LARP4B: variants seen among roughly 807,000 people sequenced by gnomAD.
LARP4B encodes the protein la-related protein 4B.
LARP4B carries 12 observed loss-of-function variants against 89.8 expected under a neutral mutation model. The observed-to-expected ratio is 0.13, with a 90% confidence interval of 0.09 to 0.22. The LOEUF is 0.22. Among genes scored for constraint, LARP4B ranks in the 10% least tolerant of loss-of-function variants. LARP4B has a pLI of 1.00. For missense variants in LARP4B, 757 were observed against 947.7 expected, an observed-to-expected ratio of 0.80 and a Z score of 2.64; for synonymous variants, 367 against 363.3, an observed-to-expected ratio of 1.01 and a Z score of -0.12.
chr10:861,501 CT>C (rs35481916), intron 5 of LARP4B, among the ~76,000 whole-genome samples: 24,358 of 152,078 alleles, frequency 0.16, 2,124 homozygotes, highest in Non-Finnish European at 0.19. Flanking sequence ...TCTTTTTCTT[CT>C]TTTTGAAAAT....
chr10:935,629 A>C (rs1830739733), upstream of LARP4B, among the ~76,000 whole-genome samples: 1 of 152,144 alleles, frequency 6.6e-6, no homozygotes, highest in Admixed American at 6.5e-5. Flanking sequence ...AGTCTCTACC[A>C]AACAAATACA....
At position 814,468 on chromosome 10, in the gene LARP4B, A is replaced by G; in HGVS notation, c.1929+274T>C. 1.9e-6 allele frequency: 1 copy of G among 522,456 alleles called. No homozygotes were observed. Among genetic ancestry groups the G allele is most frequent in the South Asian group, 2.0e-5 (1 of 49,544 alleles). 32.4% of individuals were successfully genotyped at this position (522,456 alleles called of 1,614,324 possible). ...ATCCTAAAGTCTATGGAGAAACAGG[A>G]GCTGGGGTCTTGTTACTACTCAAGA... On this transcript the variant is annotated intron_variant, in intron 17 of 17. Transcript: ENST00000316157. The surrounding 1 kb of genome is among the most constrained non-coding windows in gnomAD (Gnocchi z 4.4).
At chr10:827,001 G>A (rs1245007810) in intron 11 of LARP4B, among the ~76,000 whole-genome samples, 3 of 152,202 alleles carry the variant, frequency 2.0e-5, no homozygotes, top group East Asian at 1.9e-4. Flanking sequence ...ATGGCCGGGC[G>A]CAGTGGCTCA....
intron 5 of LARP4B, among the ~76,000 whole-genome samples, chr10:859,999 G>C (rs1303656210): frequency 6.6e-6 from 1 of 151,812 alleles, no homozygotes; most frequent in Non-Finnish European, 1.5e-5. Context: ...ACAACACCAA[G>C]AGTGAGCCCT....
In LARP4B at chr10:814,713, G is replaced by C. The variant is rs1423637748; in HGVS notation, c.1929+29C>G. The C allele has an allele frequency of 6.4e-7, 1 of 1,569,070 alleles. No homozygotes were observed. Among genetic ancestry groups the C allele is most frequent in the Non-Finnish European group, 8.6e-7 (1 of 1,156,412 alleles). On this transcript the variant is annotated intron_variant, in intron 17 of 17. Coordinates refer to ENST00000316157, the MANE Select transcript of LARP4B (RefSeq NM_015155.3). The surrounding 1 kb of genome is among the most constrained non-coding windows in gnomAD (Gnocchi z 4.4). ...TTCACACCAGAGCCTCGCGGCTGTCGTGCAGGAAGGCAGGCACGAGGTACG... is the reference window on the plus strand; with the variant it reads ...TTCACACCAGAGCCTCGCGGCTGTCCTGCAGGAAGGCAGGCACGAGGTACG...
At chr10:952,221 T>A in the LARP4B span, among the ~76,000 whole-genome samples, 2 of 150,364 alleles carry the variant, frequency 1.3e-5, no homozygotes, top group East Asian at 3.9e-4. Context: ...GCACCTGTAG[T>A]CCCAGCTACT....
chr10:986,607 G>C, the LARP4B span: 3 of 152,242 alleles, frequency 2.0e-5, no homozygotes, highest in African/African-American at 4.8e-5. Context: ...CTGGGCCCAT[G>C]ATGAGTCATT....
chr10:931,928 C>T (rs1830634683), upstream of LARP4B, among the ~76,000 whole-genome samples: 1 of 149,948 alleles, frequency 6.7e-6, no homozygotes, highest in Admixed American at 6.6e-5. Context: ...TTGCGATTGG[C>T]GCGTGCGCGC....
At chr10:972,525 G>T in the LARP4B span, 1 of 457,020 alleles carries the variant, frequency 2.2e-6, no homozygotes, top group Non-Finnish European at 4.4e-6. Flanking sequence ...GTTCCAAAGG[G>T]GTTCATGTCC....
chr10:830,253 G>A (rs950568436), intron 9 of LARP4B, among the ~76,000 whole-genome samples: 14 of 152,066 alleles, frequency 9.2e-5, no homozygotes, highest in Admixed American at 5.9e-4. Flanking sequence ...TCGCCACACG[G>A]GCTGGCAGAG....
At chr10:979,408 GA>G in the LARP4B span, among the ~76,000 whole-genome samples, 1 of 152,186 alleles carries the variant, frequency 6.6e-6, no homozygotes, top group Admixed American at 6.5e-5. Context: ...TAGTCAAAGG[GA>G]GGCCCCAGCA....
At chr10:905,905 C>G (rs765939459) in intron 1 of LARP4B, among the ~76,000 whole-genome samples, 1 of 152,346 alleles carries the variant, frequency 6.6e-6, no homozygotes, top group Non-Finnish European at 1.5e-5. Context: ...CCTTGAAGCC[C>G]ACTCTACCCT....
chr10:842,361 C>A (rs971230906), intron 7 of LARP4B, among the ~76,000 whole-genome samples: 34 of 152,248 alleles, frequency 2.2e-4, no homozygotes, highest in African/African-American at 7.9e-4. Context: ...CCACGCCCAG[C>A]TAATTTTTTG....
chr10:920,230 G>C (rs1836942788), intron 1 of LARP4B, among the ~76,000 whole-genome samples: 1 of 152,210 alleles, frequency 6.6e-6, no homozygotes, highest in Non-Finnish European at 1.5e-5. Context: ...TACAGTCCTA[G>C]CTCTGTCACC....
the LARP4B span, among the ~76,000 whole-genome samples, chr10:966,086 AT>A: frequency 5.7e-5 from 5 of 87,064 alleles, no homozygotes; most frequent in South Asian, 1.6e-3. Flanking sequence ...GTGTGTGTGT[AT>A]GAGATTTTAT....
chr10:861,083 G>A (rs1030381397), intron 5 of LARP4B, among the ~76,000 whole-genome samples: 6 of 152,138 alleles, frequency 3.9e-5, no homozygotes, highest in Admixed American at 3.9e-4. Flanking sequence ...GTGAACCCGG[G>A]AGGCGGAGGT....
chr10:849,575 T>C (rs1450495542), intron 5 of LARP4B, among the ~76,000 whole-genome samples: 4 of 152,212 alleles, frequency 2.6e-5, no homozygotes, highest in African/African-American at 9.7e-5. Flanking sequence ...CGAAGATTCG[T>C]GTCCTCATGG....
intron 7 of LARP4B, among the ~76,000 whole-genome samples, chr10:841,101 T>C (rs1833500598): frequency 6.6e-6 from 1 of 152,172 alleles, no homozygotes; most frequent in Non-Finnish European, 1.5e-5. Context: ...TGCGATGAGC[T>C]GAGATGACAC....
chr10:902,886 G>A (rs762703285), intron 1 of LARP4B, among the ~76,000 whole-genome samples: 2 of 152,020 alleles, frequency 1.3e-5, no homozygotes, highest in African/African-American at 2.4e-5. Flanking sequence ...AAGTGATCCC[G>A]CCCACCTCGG....
Sources: allele counts gnomAD v4.1 joint callset (sites outside exome capture counted in the v4.1 genomes callset), GRCh38; gene constraint gnomAD v4.1.1; non-coding constraint Gnocchi (gnomAD v3.1); transcripts MANE v1.5; gene names NCBI Gene and HGNC (gene_info 2026-07-23, HGNC 2026-07-21).